The following SH2D6 variants were observed in gnomAD, a reference collection of about 807,000 sequenced individuals.
SH2D6 encodes the protein SH2 domain containing 6.
A neutral mutation model predicts 30.2 loss-of-function variants in SH2D6; 31 were observed. The ratio of observed to expected loss-of-function variants is 1.03; its 90% CI spans 0.77 to 1.38. The LOEUF (loss-of-function observed/expected upper bound fraction) is 1.38, where lower values mean the gene tolerates loss of function less well. Ranked by LOEUF, SH2D6 falls within the 40% of genes most tolerant of loss-of-function variation. The probability of loss-of-function intolerance (pLI) is 0.00; values close to 1 mark genes in which losing one functional copy is unlikely to be tolerated. For missense variants in SH2D6, 240 were observed against 266.8 expected (o/e 0.90, Z 0.70); for synonymous variants, 93 against 104.6 (o/e 0.89, Z 0.68).
At chr2:85,425,041 G>GCGAGT (rs1687929686) in intron 5 of SH2D6, among the ~76,000 whole-genome samples, 1 of 152,116 alleles carries the variant, frequency 6.6e-6, no homozygotes, top group Non-Finnish European at 1.5e-5. Context: ...ACTCCAGCCT[G>GCGAGT]GGTGACAGAG....
chr2:85,432,526 G>A (rs1355935003), intron 14 of SH2D6, among the ~76,000 whole-genome samples: 3 of 151,172 alleles, frequency 2.0e-5, no homozygotes, highest in Non-Finnish European at 2.9e-5. Flanking sequence ...TCAGCCTCCC[G>A]AGTAGCTGGG....
chr2:85,422,895 G>A lies in SH2D6; in HGVS notation c.-309+205G>A, dbSNP rs562093338. Among the ~76,000 whole-genome samples the A allele has an allele frequency of 2.0e-5, 3 of 152,330 alleles. No individual in the cohort carries two copies. The East Asian group carries it at 5.8e-4, about 29-fold the overall frequency. On this transcript the variant is annotated intron_variant, in intron 5 of 23. Coordinates refer to ENST00000469800, the MANE Select transcript of SH2D6 (RefSeq NM_001394463.1). ...CACCAGACTTTTGTTTGTTTGTTTT[G>A]TTTTGTTTTGAGATGGTGTTTCACT...
At chr2:85,426,418 GTCC>G (rs201035795) in intron 6 of SH2D6, among the ~76,000 whole-genome samples, 3,527 of 152,220 alleles carry the variant, frequency 0.023, 72 homozygotes, top group African/African-American at 0.056. Flanking sequence ...GCCTTTTCCT[GTCC>G]TCCTTTCACC....
At chr2:85,419,577 G>A (rs960638647) in intron 2 of SH2D6, among the ~76,000 whole-genome samples, 6 of 151,170 alleles carry the variant, frequency 4.0e-5, no homozygotes, top group Admixed American at 2.0e-4. Flanking sequence ...CACCTGTATC[G>A]GGAGCAGTGA....
intron 2 of SH2D6, among the ~76,000 whole-genome samples, chr2:85,420,277 G>A (rs1204335335): frequency 2.0e-5 from 3 of 152,036 alleles, no homozygotes; most frequent in South Asian, 4.1e-4. Context: ...ACACTACCAC[G>A]CCTGGCTAAT....
rs1304437508 is a variant in SH2D6 at position 85,435,496 on chromosome 2, G to A, written c.732G>A (p.Lys244=). Residue 244 remains lysine, a splice_region_variant and synonymous_variant, in exon 21 of 24, where the codon AAG becomes AAA. Transcript: ENST00000469800. ...AGAGTGCCCTGCTCCACTTACAAAA[G>A]GTGGGCAGCCACGGACCCCGGGTCT... ...AVESALLHLQ[K]DGAYTVRPSS... 2 of 1,613,256 alleles carry A rather than the reference G, an allele frequency of 1.2e-6. No individual in the cohort carries two copies. Among genetic ancestry groups the A allele is most frequent in the Admixed American group, 1.7e-5 (1 of 59,890 alleles).
intron 15 of SH2D6, 127 bp downstream of exon 15, chr2:85,433,248 C>T (rs1209580899): frequency 5.6e-5 from 38 of 675,250 alleles, no homozygotes; most frequent in East Asian, 2.7e-4. Flanking sequence ...CAGAGCAGGG[C>T]CCCTGCCCCT....
At chr2:85,436,119 A>G (rs993680506) in intron 22 of SH2D6, among the ~76,000 whole-genome samples, 1 of 152,130 alleles carries the variant, frequency 6.6e-6, no homozygotes, top group Non-Finnish European at 1.5e-5. Flanking sequence ...TACCTCCCCC[A>G]GGACTCAATG....
At position 85,433,568 on chromosome 2, in the gene SH2D6, T is replaced by C. The variant is rs1689021909; in HGVS notation, c.394-3T>C. 3.0e-6 allele frequency: 3 copies of C among 997,258 alleles called. No individual in the cohort carries two copies. Among genetic ancestry groups the C allele is most frequent in the Non-Finnish European group, 2.4e-6 (2 of 837,168 alleles). 61.8% of individuals were successfully genotyped at this position (997,258 alleles called of 1,614,324 possible). A position where few individuals can be genotyped will look rare whatever the true frequency, so the allele number is the denominator to read the frequency against. On this transcript the variant is annotated splice_region_variant and splice_polypyrimidine_tract_variant and intron_variant, in intron 15 of 23. Coordinates refer to ENST00000469800, the MANE Select transcript of SH2D6 (RefSeq NM_001394463.1). ...TGGTCTCACACACCCCTCCCTACCT[T>C]AGGTGCCAGGCCCTCCAAAGAAACC...
At position 85,436,670 on chromosome 2, in the gene SH2D6, C is replaced by T. The variant is rs528944734; in HGVS notation, c.*12+76C>T. On this transcript the variant is annotated intron_variant, in intron 23 of 23. Coordinates refer to ENST00000469800, the MANE Select transcript of SH2D6 (RefSeq NM_001394463.1). ...GCTGTCTTCCTCTCTCCTTCCCCAC[C>T]CCTCCTCACCCTAGCCTTTCCCAGT... 5.0e-5 allele frequency: 52 copies of T among 1,030,502 alleles called. No individual in the cohort carries two copies. In the African/African-American group the frequency reaches 7.0e-4, roughly 14 times the overall value. The allele number at this position is 1,030,502 out of a possible 1,614,324, so 63.8% of individuals were successfully genotyped here.
intron 3 of SH2D6, 49 bp downstream of exon 3, chr2:85,422,363 C>T (rs2104881733): frequency 6.6e-6 from 1 of 152,230 alleles, no homozygotes; most frequent in African/African-American, 2.4e-5. Context: ...AAAGAATGCT[C>T]TCTCTCTTTG....
Position 85,434,484 on chromosome 2 carries a change from T to C in SH2D6, c.576T>C (p.Asp192=). The C allele has an allele frequency of 6.4e-7, 1 of 1,550,496 alleles. No individual in the cohort carries two copies. The highest frequency in any genetic ancestry group is 2.0e-5 in the Admixed American group (1 of 51,008). Residue 192 remains aspartate (D), a synonymous_variant, in exon 19 of 24, where the codon GAT becomes GAC. Transcript: ENST00000469800. ...CTCCTGTATGCCAGGGAACAGCAGA[T>C]GCTGCCTCTAAAGGTGAGTAAAGGC... is the stretch of plus-strand genomic sequence containing the variant. ...APQETRNGTA[D]AASKEGRKSS... is the part of the protein sequence containing the mutation.
At chr2:85,427,609 T>C (rs917719822) in intron 6 of SH2D6, among the ~76,000 whole-genome samples, 1 of 152,192 alleles carries the variant, frequency 6.6e-6, no homozygotes, top group African/African-American at 2.4e-5. Flanking sequence ...AGTGGGGTGG[T>C]GTCCAGAACT....
rs938460840 is a variant in SH2D6 at position 85,436,848 on chromosome 2, T to C, written c.*24T>C. ...TTCCTGGCCTCCAGGAATGCAGGTGTCTGCCCAGTTCACTAGGTCCTGGAT... is the reference window on the plus strand; with the variant it reads ...TTCCTGGCCTCCAGGAATGCAGGTGCCTGCCCAGTTCACTAGGTCCTGGAT... On this transcript the variant is annotated 3_prime_UTR_variant, in exon 24 of 24. Transcript: ENST00000469800. 37 of 440,948 alleles carry C rather than the reference T, an allele frequency of 8.4e-5. No individual in the cohort carries two copies. The Middle Eastern group carries it at 2.0e-3, about 24-fold the overall frequency. 27.3% of individuals were successfully genotyped at this position (440,948 alleles called of 1,614,324 possible). A position where few individuals can be genotyped will look rare whatever the true frequency, so the allele number is the denominator to read the frequency against.
At chr2:85,433,934 G>A (rs1053441701) in intron 16 of SH2D6, 99 bp from the exon 17 acceptor site, 2 of 1,051,556 alleles carry the variant, frequency 1.9e-6, no homozygotes, top group Non-Finnish European at 2.8e-6. Context: ...AGGCTGCAGA[G>A]AAGCAGCAGG....
intron 14 of SH2D6, among the ~76,000 whole-genome samples, chr2:85,432,859 A>T (rs530053657): frequency 1.3e-5 from 2 of 152,330 alleles, no homozygotes; most frequent in East Asian, 3.9e-4. Context: ...TGAACAGTCC[A>T]AAGTCATTTG....
At chr2:85,433,713 C>A in intron 16 of SH2D6, 82 bp downstream of exon 16, 1 of 1,054,740 alleles carries the variant, frequency 9.5e-7, no homozygotes, top group Non-Finnish European at 1.2e-6. Context: ...CTGGCTCCAT[C>A]TGCTTCCCTT....
chr2:85,419,817 C>A (rs1687678564), intron 2 of SH2D6, among the ~76,000 whole-genome samples: 1 of 152,174 alleles, frequency 6.6e-6, no homozygotes, highest in Non-Finnish European at 1.5e-5. Flanking sequence ...TCTCTAAACA[C>A]CTAGAAACAG....
chr2:85,435,881 C>A (rs1689397162), intron 22 of SH2D6, 57 bp downstream of exon 22: 3 of 1,477,642 alleles, frequency 2.0e-6, no homozygotes, highest in Non-Finnish European at 2.7e-6. Context: ...TACCCCAGGC[C>A]TAGCCAAGAG....
Sources: allele counts gnomAD v4.1 joint callset (sites outside exome capture counted in the v4.1 genomes callset), GRCh38; gene constraint gnomAD v4.1.1; transcripts MANE v1.5; gene names NCBI Gene and HGNC (gene_info 2026-07-23, HGNC 2026-07-21).